The following UCP3 variants were observed in gnomAD, a reference collection of about 807,000 sequenced individuals.
UCP3 encodes the protein uncoupling protein 3, also known as putative mitochondrial transporter UCP3.
A neutral mutation model predicts 28.1 loss-of-function variants in UCP3; 24 were observed. The observed-to-expected ratio is 0.85, with a 90% CI of 0.62 to 1.20. UCP3 has a LOEUF of 1.20. Among genes scored for constraint, UCP3 ranks in the 50% most tolerant of loss-of-function variants. UCP3 has a pLI of 0.00. For missense variants in UCP3, 397 were observed against 422.2 expected (o/e 0.94, Z 0.52); for synonymous variants, 184 against 171.2 (o/e 1.07, Z -0.59).
In UCP3 at chr11:74,001,041, C is replaced by G; in HGVS notation, c.*371G>C. On this transcript the variant is annotated 3_prime_UTR_variant, in exon 7 of 7. Coordinates refer to ENST00000314032, the MANE Select transcript of UCP3 (RefSeq NM_003356.4). ...GCCCCTCCTGTCCCGTGCTTGCCATCCTTCCTGCTTATCATTCATTATCTA... is the reference window on the plus strand; with the variant it reads ...GCCCCTCCTGTCCCGTGCTTGCCATGCTTCCTGCTTATCATTCATTATCTA... The G allele has an allele frequency of 3.4e-6, 1 of 292,508 alleles. No homozygotes were observed. Among genetic ancestry groups the G allele is most frequent in the Non-Finnish European group, 6.5e-6 (1 of 154,616 alleles). The allele number at this position is 292,508 out of a possible 1,614,324, so 18.1% of individuals were successfully genotyped here.
Position 74,003,893 on chromosome 11 carries a change from T to C in UCP3, c.758A>G (p.Tyr253Cys), listed in dbSNP as rs532217600. ...TATCATACAGTCGAGGGGGCTGAAG[T>C]ACTGGCCTGGAGGTGAGTTCATATA... The part of the protein sequence containing the change: ...TRYMNSPPGQ[Y>C]FSPLDCMIKM... The change falls in exon 6 of 7, where the codon TAC becomes TGC. Residue 253 changes from tyrosine to cysteine, a missense_variant. Coordinates refer to ENST00000314032, the MANE Select transcript of UCP3 (RefSeq NM_003356.4). The C allele has an allele frequency of 1.9e-6, 3 of 1,614,118 alleles. No individual in the cohort carries two copies. The Admixed American group carries it at 5.0e-5, about 27-fold the overall frequency.
intron 5 of UCP3, 136 bp downstream of exon 5, chr11:74,004,348 G>A: frequency 4.9e-6 from 4 of 821,824 alleles, no homozygotes; most frequent in Non-Finnish European, 7.7e-6. Context: ...CAATGTACCT[G>A]GCACTTTTTA....
At chr11:74,003,739 A>T in intron 6 of UCP3, 88 bp downstream of exon 6, 1 of 1,511,782 alleles carries the variant, frequency 6.6e-7, no homozygotes, top group Non-Finnish European at 8.8e-7. Flanking sequence ...TCACCGCTAC[A>T]TCCCAGGTTG....
In UCP3 at chr11:74,002,680, T is replaced by A. The variant is rs1951630371; in HGVS notation, c.824+1147A>T. On this transcript the variant is annotated intron_variant, in intron 6 of 6. Transcript: ENST00000314032. ...TGGCACCTACAAGATGCTCCAGAAA[T>A]GTTGGACAAGTGAAAGCAGTAACTG... is the stretch of plus-strand genomic sequence containing the variant. 1.1e-5 allele frequency: 10 copies of A among 902,150 alleles called. No homozygotes were observed. In the South Asian group the frequency reaches 1.5e-4, roughly 14 times the overall value. 55.9% of individuals were successfully genotyped at this position (902,150 alleles called of 1,614,324 possible). A position where few individuals can be genotyped will look rare whatever the true frequency, so the allele number is the denominator to read the frequency against.
intron 5 of UCP3, 152 bp from the exon 6 acceptor site, chr11:74,004,159 G>T: frequency 2.9e-6 from 4 of 1,381,988 alleles, no homozygotes; most frequent in Non-Finnish European, 3.9e-6. Context: ...CTCTTGGTAA[G>T]TACTGGCAAA....
intron 6 of UCP3, chr11:74,003,347 G>A (rs1446368629): frequency 5.3e-6 from 3 of 562,816 alleles, no homozygotes; most frequent in East Asian, 2.9e-4. Flanking sequence ...TTCCCAGGGA[G>A]GAGGAAAAAT....
intron 6 of UCP3, among the ~76,000 whole-genome samples, chr11:74,002,494 G>A (rs557243643): frequency 2.5e-4 from 38 of 152,196 alleles, no homozygotes; most frequent in Non-Finnish European, 4.7e-4. Flanking sequence ...TTCCTTATCT[G>A]TAAAATGAGG....
In UCP3 at chr11:74,001,663, G is replaced by GTC. The variant is rs3837411; in HGVS notation, c.825-139_825-138dup. The GTC allele has an allele frequency of 0.16, 111,033 of 711,692 alleles. 7,691 individuals are homozygous for GTC. The highest frequency in any genetic ancestry group is 0.23 in the Admixed American group (9,564 of 40,736). The allele number at this position is 711,692 out of a possible 1,614,324, so 44.1% of individuals were successfully genotyped here. A position where few individuals can be genotyped will look rare whatever the true frequency, so the allele number is the denominator to read the frequency against. ...CACAAGCATTTTCTGAATCCTTTCA[G>GTC]TCTCTCTCTCTCTTTTTTTTTTCTG... On this transcript the variant is annotated intron_variant, in intron 6 of 6. Coordinates refer to ENST00000314032, the MANE Select transcript of UCP3 (RefSeq NM_003356.4).
rs923420048 is a variant in UCP3, at chr11:74,008,395, A to C, written c.-96+583T>G. Among the ~76,000 whole-genome samples the C allele has an allele frequency of 2.0e-5, 3 of 152,298 alleles. No individual in the cohort carries two copies. In the East Asian group the frequency reaches 5.8e-4, roughly 29 times the overall value. On this transcript the variant is annotated intron_variant, in intron 1 of 6. Coordinates refer to ENST00000314032, the MANE Select transcript of UCP3 (RefSeq NM_003356.4). The stretch of plus-strand genomic sequence containing the variant: ...TGTGGTAGCTCTGAAGCAGGGGAAG[A>C]GGACCCCATTTTGAGACATCCTACC...
Position 74,006,075 on chromosome 11 carries a change from G to A in UCP3, c.337+94C>T, listed in dbSNP as rs539154531. 9.4e-4 allele frequency: 1,484 copies of A among 1,570,722 alleles called. 3 individuals carry two copies. Among genetic ancestry groups the A allele is most frequent in the East Asian group, 9.8e-4 (43 of 43,674 alleles). ...AAGCGTCCGGTACCAGCTTCCCCCC[G>A]CCCCTGGCTCTGCCTCTGAGTCTAG... On this transcript the variant is annotated intron_variant, in intron 3 of 6. Coordinates refer to ENST00000314032, the MANE Select transcript of UCP3 (RefSeq NM_003356.4).
At position 74,004,560 on chromosome 11, in the gene UCP3, A is replaced by G; in HGVS notation, c.567T>C (p.Asn189=). 3.1e-6 allele frequency: 5 copies of G among 1,613,452 alleles called. No homozygotes were observed. The highest frequency in any genetic ancestry group is 3.4e-6 in the Non-Finnish European group (4 of 1,179,518). The change falls in exon 5 of 7, where the codon AAT becomes AAC. Residue 189 remains asparagine, a synonymous_variant. Transcript: ENST00000314032. The stretch of plus-strand genomic sequence containing the variant: ...CCACCTCAGCACAGTTGACGATAGC[A>G]TTCCTCATGATGTTGGGCAAAGTTC... ...WKGTLPNIMR[N]AIVNCAEVVT... is the part of the protein sequence containing the mutation.
intron 2 of UCP3, among the ~76,000 whole-genome samples, chr11:74,006,707 A>G (rs1421107053): frequency 1.3e-5 from 2 of 152,206 alleles, no homozygotes. Context: ...CCTAGCCCAT[A>G]AAGGGCCCTG....
Position 74,004,598 on chromosome 11 carries a change from C to CGGTGGGGAGGGATGTGAAATG in UCP3, c.542-34_542-14dup. 6.3e-7 allele frequency: 1 copy of CGGTGGGGAGGGATGTGAAATG among 1,592,700 alleles called. No individual in the cohort carries two copies. ...TTGGGCAAAGTTCCTGTTAGGAAGG[C>CGGTGGGGAGGGATGTGAAATG]GGTGGGGAGGGATGTGAAATGGGTG... On this transcript the variant is annotated splice_polypyrimidine_tract_variant and intron_variant, in intron 4 of 6. Coordinates refer to ENST00000314032, the MANE Select transcript of UCP3 (RefSeq NM_003356.4).
intron 1 of UCP3, among the ~76,000 whole-genome samples, chr11:74,008,587 G>A (rs1372187686): frequency 1.3e-5 from 2 of 152,168 alleles, no homozygotes; most frequent in African/African-American, 4.8e-5. Context: ...TACTCAGGAA[G>A]AGGGCCCCAG....
chr11:74,004,836 ATT>A (rs1591235745), intron 4 of UCP3, among the ~76,000 whole-genome samples: 1 of 152,222 alleles, frequency 6.6e-6, no homozygotes, highest in East Asian at 1.9e-4. Flanking sequence ...ACTTGTGTTC[ATT>A]TGGCCACATT....
chr11:74,004,680 C>T (rs1240733994), intron 4 of UCP3, 95 bp from the exon 5 acceptor site: 4 of 1,261,552 alleles, frequency 3.2e-6, no homozygotes, highest in Non-Finnish European at 4.5e-6. Context: ...GGCCACAGGC[C>T]CCAGTTTTGG....
chr11:74,003,033 A>G, intron 6 of UCP3: 1 of 803,166 alleles, frequency 1.2e-6, no homozygotes, highest in Non-Finnish European at 1.5e-6. Context: ...TCTGACACTC[A>G]GTCTTTTCCT....
intron 5 of UCP3, 95 bp from the exon 6 acceptor site, chr11:74,004,102 A>G (rs1358974901): frequency 1.9e-6 from 3 of 1,544,432 alleles, no homozygotes; most frequent in South Asian, 1.2e-5. Context: ...GAACTCCCTG[A>G]GCATAGGACA....
chr11:74,004,345 C>G, intron 5 of UCP3, 139 bp downstream of exon 5: 1 of 811,932 alleles, frequency 1.2e-6, no homozygotes, highest in Non-Finnish European at 1.9e-6. Flanking sequence ...CCACAATGTA[C>G]CTGGCACTTT....
Sources: gnomAD v4.1 joint callset for allele counts (sites outside exome capture counted in the v4.1 genomes callset) on GRCh38, gnomAD v4.1.1 for gene constraint, MANE v1.5 for transcripts, NCBI Gene and HGNC (gene_info 2026-07-23, HGNC 2026-07-21) for gene names.